The following ASPH variants were observed in gnomAD, a reference collection of about 807,000 sequenced individuals.
ASPH encodes the protein aspartyl/asparaginyl beta-hydroxylase.
ASPH carries 100 observed loss-of-function variants against 118.4 expected under a neutral mutation model. That is an observed-to-expected ratio of 0.84 (90% CI 0.72 to 1.00). The LOEUF is 1.00. Ranked by LOEUF, ASPH falls within the 50% of genes least tolerant of loss-of-function variation. The pLI is 0.00. For synonymous variants in ASPH, 315 were observed against 325.6 expected, an observed-to-expected ratio of 0.97 and a Z score of 0.35; for missense variants, 920 against 919.5, an observed-to-expected ratio of 1.00 and a Z score of -0.01.
intron 14 of ASPH, among the ~76,000 whole-genome samples, chr8:61,615,651 C>T (rs2061784706): frequency 6.6e-6 from 1 of 152,222 alleles, no homozygotes; most frequent in Admixed American, 6.5e-5. Context: ...GTAGTTCACA[C>T]ATTTTGTGAC....
At chr8:61,597,086 G>A (rs1283742800) in intron 14 of ASPH, among the ~76,000 whole-genome samples, 1 of 150,200 alleles carries the variant, frequency 6.7e-6, no homozygotes, top group Non-Finnish European at 1.5e-5. Context: ...AGAATTCAAT[G>A]AGTGAAATCA....
intron 18 of ASPH, among the ~76,000 whole-genome samples, chr8:61,556,630 T>C (rs1030487366): frequency 6.6e-6 from 1 of 152,250 alleles, no homozygotes; most frequent in African/African-American, 2.4e-5. Flanking sequence ...CACTGTTTAT[T>C]ATTATATGCA....
intron 16 of ASPH, 141 bp downstream of exon 16, chr8:61,576,631 G>T: frequency 3.2e-6 from 2 of 634,844 alleles, no homozygotes; most frequent in Non-Finnish European, 5.2e-6. Context: ...AGTGATAATT[G>T]TATTTCTTGC....
At chr8:61,617,229 G>A (rs1849351092) in intron 14 of ASPH, among the ~76,000 whole-genome samples, 1 of 152,150 alleles carries the variant, frequency 6.6e-6, no homozygotes. Flanking sequence ...CGAGGACTAA[G>A]TCTGGGGCAC....
rs199738117 is a variant in ASPH, at chr8:61,540,445, C to T, written c.1764+7626G>A. 4.6e-5 allele frequency among the ~76,000 whole-genome samples: 7 copies of T among 152,288 alleles called. 1 individual carries two copies. The highest frequency in any genetic ancestry group is 1.7e-4 in the African/African-American group (7 of 41,556). Reference sequence around the variant, plus strand: ...GCTCCTGTTCATGCTGCCATGTAAGCGTCCTGTGATTGAAAGCTTCCTGTG... The same window carrying T: ...GCTCCTGTTCATGCTGCCATGTAAGTGTCCTGTGATTGAAAGCTTCCTGTG... On this transcript the variant is annotated intron_variant, in intron 21 of 24. Coordinates refer to ENST00000379454, the MANE Select transcript of ASPH (RefSeq NM_004318.4).
intron 22 of ASPH, among the ~76,000 whole-genome samples, chr8:61,524,481 G>A (rs1002585669): frequency 1.2e-4 from 18 of 152,152 alleles, no homozygotes; most frequent in South Asian, 2.1e-4. Context: ...AAACAACAGG[G>A]TAGACACAAT....
intron 21 of ASPH, among the ~76,000 whole-genome samples, chr8:61,543,559 A>G (rs1241032209): frequency 6.6e-6 from 1 of 152,180 alleles, no homozygotes; most frequent in Non-Finnish European, 1.5e-5. Context: ...TTCTTTAGTT[A>G]TTAAAACATA....
chr8:61,591,388 G>C (rs1841076271), intron 14 of ASPH, among the ~76,000 whole-genome samples: 2 of 148,102 alleles, frequency 1.4e-5, no homozygotes, highest in Non-Finnish European at 3.0e-5. Flanking sequence ...GCCCGAAGAG[G>C]AAGATTAAAA....
intron 3 of ASPH, among the ~76,000 whole-genome samples, chr8:61,674,218 G>A (rs1824093239): frequency 6.6e-6 from 1 of 152,150 alleles, no homozygotes; most frequent in Admixed American, 6.5e-5. Context: ...ATTGAGTGGG[G>A]CTGAAGATTC....
intron 1 of ASPH, among the ~76,000 whole-genome samples, chr8:61,698,017 T>G (rs574942147): frequency 6.6e-6 from 1 of 152,296 alleles, no homozygotes; most frequent in East Asian, 1.9e-4. Context: ...CACGCTGGTC[T>G]TGAACTCCTC....
chr8:61,701,456 C>T (rs769654188), intron 1 of ASPH, among the ~76,000 whole-genome samples: 3 of 152,162 alleles, frequency 2.0e-5, no homozygotes, highest in Non-Finnish European at 2.9e-5. Flanking sequence ...AAATAGTGTA[C>T]TACTTCTAGA....
intron 5 of ASPH, among the ~76,000 whole-genome samples, chr8:61,649,962 C>T (rs996842203): frequency 2.0e-5 from 3 of 152,156 alleles, no homozygotes; most frequent in Admixed American, 6.6e-5. Context: ...CCTTTCCTGT[C>T]TCTGGGATAT....
At chr8:61,631,284 A>G (rs1855479894) in intron 13 of ASPH, among the ~76,000 whole-genome samples, 1 of 152,320 alleles carries the variant, frequency 6.6e-6, no homozygotes, top group Admixed American at 6.5e-5. Flanking sequence ...GTAATGTCCT[A>G]GGCTTTCACA....
intron 14 of ASPH, among the ~76,000 whole-genome samples, chr8:61,601,973 C>T (rs2133471264): frequency 6.6e-6 from 1 of 151,366 alleles, no homozygotes; most frequent in Non-Finnish European, 1.5e-5. Context: ...ATAAATAAAG[C>T]TTATGGTTAA....
intron 21 of ASPH, among the ~76,000 whole-genome samples, chr8:61,533,407 G>C (rs1818323803): frequency 2.6e-5 from 4 of 151,944 alleles, no homozygotes. Context: ...GTATTATTTT[G>C]TTTTTCTTTT....
chr8:61,544,038 C>T lies in ASPH; in HGVS notation c.1764+4033G>A, dbSNP rs73263143. The stretch of plus-strand genomic sequence containing the variant: ...AGAGAGGTTTAAAATGGTGACAATG[C>T]TCTGGGTATGGAAATTTGTGAGGTA... On this transcript the variant is annotated intron_variant, in intron 21 of 24. Transcript: ENST00000379454. Among the ~76,000 whole-genome samples, 354 of 152,282 alleles carry T rather than the reference C, an allele frequency of 2.3e-3. 1 individual carries two copies. The highest frequency in any genetic ancestry group is 8.3e-3 in the African/African-American group (347 of 41,584).
At chr8:61,638,103 C>T (rs1858711755) in intron 11 of ASPH, 100 bp from the exon 12 acceptor site, 1 of 1,280,002 alleles carries the variant, frequency 7.8e-7, no homozygotes, top group Non-Finnish European at 1.1e-6. Context: ...TAACTCGTGT[C>T]CACTCAGATT....
intron 18 of ASPH, among the ~76,000 whole-genome samples, chr8:61,556,533 A>T (rs1243673120): frequency 6.6e-6 from 1 of 152,264 alleles, no homozygotes; most frequent in East Asian, 1.9e-4. Context: ...TTGAGTGCCC[A>T]GACCATTTTA....
At chr8:61,557,069 C>T (rs1339937038) in intron 18 of ASPH, among the ~76,000 whole-genome samples, 1 of 152,188 alleles carries the variant, frequency 6.6e-6, no homozygotes, top group Non-Finnish European at 1.5e-5. Flanking sequence ...TGTGTCACTT[C>T]CTTCACCACT....
Sources: allele counts gnomAD v4.1 joint callset (sites outside exome capture counted in the v4.1 genomes callset), GRCh38; gene constraint gnomAD v4.1.1; transcripts MANE v1.5; gene names NCBI Gene and HGNC (gene_info 2026-07-23, HGNC 2026-07-21).